ITGA11: variants seen among roughly 807,000 people sequenced by gnomAD.
ITGA11 encodes integrin subunit alpha 11, also known as integrin alpha-11.
ITGA11 carries 97 observed loss-of-function variants against 141.9 expected under a neutral mutation model. That is an observed-to-expected ratio of 0.68 (90% CI 0.58 to 0.81). The LOEUF (loss-of-function observed/expected upper bound fraction) is 0.81, where lower values mean the gene tolerates loss of function less well. ITGA11 is among the 30% of genes least tolerant of loss of function. The pLI is 0.00. For synonymous variants in ITGA11, 658 were observed against 624.6 expected (o/e 1.05, Z -0.80); for missense variants, 1,387 against 1,559.2 (o/e 0.89, Z 1.86).
chr15:68,379,579 C>A (rs1458662513), intron 2 of ITGA11, among the ~76,000 whole-genome samples: 1 of 152,206 alleles, frequency 6.6e-6, no homozygotes, highest in Non-Finnish European at 1.5e-5. Context: ...GGGCCGAACT[C>A]TTCTGGGTCC....
intron 1 of ITGA11, among the ~76,000 whole-genome samples, chr15:68,406,281 G>A (rs184989668): frequency 6.6e-6 from 1 of 152,218 alleles, no homozygotes; most frequent in Admixed American, 6.5e-5. Flanking sequence ...TCAAAGCCAA[G>A]GCCAAACTCC....
chr15:68,422,008 G>T (rs980019096), intron 1 of ITGA11, among the ~76,000 whole-genome samples: 5 of 152,088 alleles, frequency 3.3e-5, no homozygotes, highest in Non-Finnish European at 7.4e-5. Context: ...CCTCTGGTTG[G>T]TTTCTTCTGT....
intron 13 of ITGA11, 81 bp from the exon 14 acceptor site, chr15:68,332,143 C>T (rs896682391): frequency 1.6e-5 from 21 of 1,320,176 alleles, no homozygotes; most frequent in African/African-American, 8.8e-5. Context: ...CAGGCTGCTC[C>T]GGCATCCTCT....
chr15:68,412,355 G>A (rs1896790876), intron 1 of ITGA11, among the ~76,000 whole-genome samples: 1 of 152,186 alleles, frequency 6.6e-6, no homozygotes, highest in Admixed American at 6.5e-5. Flanking sequence ...CTGTCAGGGA[G>A]AAGTGTGGCC....
chr15:68,371,022 G>A (rs1895573466), intron 2 of ITGA11, among the ~76,000 whole-genome samples: 1 of 152,238 alleles, frequency 6.6e-6, no homozygotes, highest in Non-Finnish European at 1.5e-5. Flanking sequence ...AATAAGAGCT[G>A]AGGTTTCTCC....
At position 68,307,885 on chromosome 15, in the gene ITGA11, G is replaced by A. The variant is rs1327865176; in HGVS notation, c.3175-189C>T. ...GATGACTGAAGGACAAATGAAGGAT[G>A]GTATATCTGATGCTCCACTTGAAGC... On this transcript the variant is annotated intron_variant, in intron 26 of 29. Transcript: ENST00000315757. The surrounding 1 kb of genome is among the most constrained non-coding windows in gnomAD (Gnocchi z 6.1). Among the ~76,000 whole-genome samples, 1 of 152,128 alleles carries A rather than the reference G, an allele frequency of 6.6e-6. No individual in the cohort carries two copies. The highest frequency in any genetic ancestry group is 2.4e-5 in the African/African-American group (1 of 41,410).
At position 68,324,959 on chromosome 15, in the gene ITGA11, C is replaced by T. The variant is rs1013040612; in HGVS notation, c.2322+172G>A. Among the ~76,000 whole-genome samples, 7 of 151,970 alleles carry T rather than the reference C, an allele frequency of 4.6e-5. No homozygotes were observed. Among genetic ancestry groups the T allele is most frequent in the African/African-American group, 1.5e-4 (6 of 41,376 alleles). On this transcript the variant is annotated intron_variant, in intron 18 of 29. Coordinates refer to ENST00000315757, the MANE Select transcript of ITGA11 (RefSeq NM_001004439.2). This position sits in a 1 kb window ranked among gnomAD's most constrained non-coding sequence, Gnocchi z 6.3. Reference sequence around the variant, plus strand: ...ATCTGCTAACACTCAGCACAGGCCCCGAGAGAGGCAGGAAGGAGCCACACT... The same window carrying T: ...ATCTGCTAACACTCAGCACAGGCCCTGAGAGAGGCAGGAAGGAGCCACACT...
intron 1 of ITGA11, among the ~76,000 whole-genome samples, chr15:68,404,754 T>A (rs11857615): frequency 2.6e-5 from 4 of 152,004 alleles, no homozygotes; most frequent in African/African-American, 9.7e-5. Context: ...TTGATACCCA[T>A]CCACACTTGG....
chr15:68,345,646 T>G (rs1894721324), intron 10 of ITGA11, among the ~76,000 whole-genome samples: 1 of 152,248 alleles, frequency 6.6e-6, no homozygotes, highest in African/African-American at 2.4e-5. Context: ...CTCAGGCTCC[T>G]TCAGTATCTC....
chr15:68,391,337 G>A (rs971762333), intron 2 of ITGA11, among the ~76,000 whole-genome samples: 6 of 152,254 alleles, frequency 3.9e-5, no homozygotes, highest in Non-Finnish European at 2.9e-5. Flanking sequence ...GCTCCAGGCT[G>A]CACTCAGATA....
At chr15:68,379,316 G>A (rs1895803504) in intron 2 of ITGA11, among the ~76,000 whole-genome samples, 1 of 152,282 alleles carries the variant, frequency 6.6e-6, no homozygotes, top group South Asian at 2.1e-4. Context: ...TTCCTATGAA[G>A]CTTTGTCTAT....
At chr15:68,411,948 A>C (rs1369164192) in intron 1 of ITGA11, among the ~76,000 whole-genome samples, 1 of 151,970 alleles carries the variant, frequency 6.6e-6, no homozygotes, top group Non-Finnish European at 1.5e-5. Flanking sequence ...GCCCCAGCCC[A>C]ACCTAGCTGA....
intron 1 of ITGA11, among the ~76,000 whole-genome samples, chr15:68,416,665 C>G (rs758078136): frequency 1.1e-4 from 16 of 152,160 alleles, no homozygotes; most frequent in Non-Finnish European, 1.5e-4. Context: ...GTGGCTCACA[C>G]CTATAATCCT....
At chr15:68,356,351 A>G (rs1797101491) in intron 7 of ITGA11, among the ~76,000 whole-genome samples, 1 of 150,932 alleles carries the variant, frequency 6.6e-6, no homozygotes, top group South Asian at 2.1e-4. Flanking sequence ...CAATCTGCCC[A>G]CCTTGGCCTC....
intron 2 of ITGA11, among the ~76,000 whole-genome samples, chr15:68,381,606 A>G (rs1895863245): frequency 1.3e-5 from 2 of 151,794 alleles, no homozygotes; most frequent in Non-Finnish European, 2.9e-5. Flanking sequence ...CCCAGGCTGA[A>G]GTGCAGTGGC....
At chr15:68,360,383 T>C (rs758356472) in intron 5 of ITGA11, among the ~76,000 whole-genome samples, 13 of 152,210 alleles carry the variant, frequency 8.5e-5, no homozygotes, top group Non-Finnish European at 1.8e-4. Flanking sequence ...CAATTTCACA[T>C]TTTTCTTTCT....
chr15:68,316,575 C>T (rs139386098), intron 21 of ITGA11, among the ~76,000 whole-genome samples: 7 of 152,312 alleles, frequency 4.6e-5, no homozygotes, highest in Non-Finnish European at 5.9e-5. Context: ...TTATATCTCA[C>T]CAGGGAGGTG....
chr15:68,334,611 A>C (rs937623067), intron 12 of ITGA11, among the ~76,000 whole-genome samples: 9 of 152,080 alleles, frequency 5.9e-5, no homozygotes, highest in African/African-American at 1.7e-4. Context: ...ATGTGCCTAC[A>C]TAAAGTAACT....
intron 1 of ITGA11, among the ~76,000 whole-genome samples, chr15:68,416,699 T>C (rs1896894067): frequency 6.6e-6 from 1 of 152,138 alleles, no homozygotes; most frequent in South Asian, 2.1e-4. Context: ...GCGGATTGCC[T>C]GAGCTCAGGA....
Sources: gnomAD v4.1 joint callset for allele counts (sites outside exome capture counted in the v4.1 genomes callset) on GRCh38, gnomAD v4.1.1 for gene constraint, Gnocchi (gnomAD v3.1) non-coding constraint, MANE v1.5 for transcripts, NCBI Gene and HGNC (gene_info 2026-07-23, HGNC 2026-07-21) for gene names.